STAG2: variants seen among roughly 807,000 people sequenced by gnomAD.
STAG2 encodes STAG2 cohesin complex component.
Under a neutral mutation model 108.1 loss-of-function variants are expected in STAG2, and 14 were observed. The observed-to-expected ratio is 0.13, with a 90% confidence interval of 0.09 to 0.20. STAG2 has a LOEUF of 0.20. STAG2 is among the 10% of genes least tolerant of loss of function. The pLI is 1.00. For synonymous variants in STAG2, 307 were observed against 302.7 expected (o/e 1.01, Z -0.15); for missense variants, 440 against 940.9 (o/e 0.47, Z 6.96).
chrX:124,093,856 T>G, intron 32 of STAG2, 162 bp from the exon 33 acceptor site: 1 of 509,054 alleles, frequency 2.0e-6, no homozygotes, highest in Non-Finnish European at 3.1e-6. Flanking sequence ...AAACATTGGG[T>G]TTTGATATCA....
At chrX:124,088,238 CTCTT>C (rs1312389376) in intron 30 of STAG2, among the ~76,000 whole-genome samples, 1 of 109,875 alleles carries the variant, frequency 9.1e-6, no homozygotes, top group African/African-American at 3.3e-5. Flanking sequence ...ACAGAAATCT[CTCTT>C]TTTTTTTTAG....
chrX:123,971,348 G>A (rs2147535407), intron 1 of STAG2, among the ~76,000 whole-genome samples: 1 of 112,115 alleles, frequency 8.9e-6, no homozygotes, highest in African/African-American at 3.2e-5. Flanking sequence ...AGAATTGCCT[G>A]AAGCTGGGGG....
intron 1 of STAG2, among the ~76,000 whole-genome samples, chrX:123,999,930 T>A (rs942214371): frequency 2.7e-5 from 3 of 109,111 alleles, no homozygotes; most frequent in Non-Finnish European, 5.7e-5. Flanking sequence ...TTTTTTTTTT[T>A]TTATTTTTTG....
At position 124,057,949 on chromosome X, in the gene STAG2, C is replaced by A; in HGVS notation, c.1388C>A (p.Thr463Lys). Residue 463 changes from threonine (T) to lysine (K), a missense_variant, in exon 15 of 35, where the codon ACA (threonine) becomes AAA (lysine). Thr to Lys is a moderately conservative substitution (Grantham distance 78). Coordinates refer to ENST00000371145, the MANE Select transcript of STAG2 (RefSeq NM_001042750.2). Reference protein sequence around the residue: ...RQGPNANLVKTLVFFFLESEL... With the variant: ...RQGPNANLVKKLVFFFLESEL... ...GGTCCAAATGCCAACCTTGTTAAGACATTGGTTTTTTTCTTTCTAGAAAGT... is the reference window on the plus strand; with the variant it reads ...GGTCCAAATGCCAACCTTGTTAAGAAATTGGTTTTTTTCTTTCTAGAAAGT... The A allele has an allele frequency of 8.4e-7, 1 of 1,188,554 alleles. No individual in the cohort carries two copies. Among genetic ancestry groups the A allele is most frequent in the Non-Finnish European group, 1.1e-6 (1 of 884,071 alleles).
chrX:124,066,144 T>A (rs1293762737), intron 21 of STAG2, 31 bp from the exon 22 acceptor site: 1 of 63,347 alleles, frequency 1.6e-5, no homozygotes, highest in Non-Finnish European at 1.9e-5. Flanking sequence ...TAAAACTTAA[T>A]TTTTTTTTTT....
chrX:124,006,645 T>TAG (rs2056307585), intron 1 of STAG2, among the ~76,000 whole-genome samples: 4 of 110,431 alleles, frequency 3.6e-5, no homozygotes, highest in East Asian at 2.8e-4. Flanking sequence ...TTCACTGTGT[T>TAG]CATCAGGATG....
rs1278693983 is a variant in STAG2, at chrX:124,102,637, CAT to C, written c.*2043_*2044del. 7.3e-6 allele frequency: 1 copy of C among 136,976 alleles called. No individual in the cohort carries two copies. The highest frequency in any genetic ancestry group is 3.1e-5 in the African/African-American group (1 of 31,756). The allele number at this position is 136,976 out of a possible 1,213,427, so 11.3% of individuals were successfully genotyped here. On this transcript the variant is annotated 3_prime_UTR_variant, in exon 35 of 35. Coordinates refer to ENST00000371145, the MANE Select transcript of STAG2 (RefSeq NM_001042750.2). ...CCATCAGTTTATATTTTTAATAAAT[CAT>C]ATGTATTTACAATGAAACCAAATCC...
chrX:124,049,770 A>G (rs914686857), intron 10 of STAG2, among the ~76,000 whole-genome samples: 10 of 111,968 alleles, frequency 8.9e-5, no homozygotes, highest in Admixed American at 1.9e-4. Flanking sequence ...TACAAGATGA[A>G]TTTAAAATCA....
chrX:124,048,612 T>C (rs893082963), intron 9 of STAG2, among the ~76,000 whole-genome samples: 4 of 111,154 alleles, frequency 3.6e-5, no homozygotes, highest in African/African-American at 1.3e-4. Context: ...GTATTTTTAG[T>C]AGAGTCGGGG....
At chrX:123,985,670 C>CAGT (rs1271185729) in intron 1 of STAG2, among the ~76,000 whole-genome samples, 2 of 109,252 alleles carry the variant, frequency 1.8e-5, no homozygotes, top group Admixed American at 2.0e-4. Flanking sequence ...TCCTGGGCTC[C>CAGT]AGTAATCCAC....
rs1342136120 is a variant in STAG2, at chrX:124,034,389, C to T, written c.289-3138C>T. ...AAGAGAGAATGTCTGCACTGTCTTT[C>T]CATTGATTTCCTGGAATCTTTTCAA... On this transcript the variant is annotated intron_variant, in intron 5 of 34. Transcript: ENST00000371145. Among the ~76,000 whole-genome samples, 6 of 111,475 alleles carry T rather than the reference C, an allele frequency of 5.4e-5. No homozygotes were observed. In the South Asian group the frequency reaches 2.3e-3, roughly 43 times the overall value.
At chrX:124,078,681 A>G (rs769064039) in intron 27 of STAG2, among the ~76,000 whole-genome samples, 1 of 111,372 alleles carries the variant, frequency 9.0e-6, no homozygotes, top group South Asian at 3.8e-4. Context: ...AAAACACAAT[A>G]GTTTTGGCCA....
In STAG2 at chrX:124,064,031, C is replaced by A. The variant is rs140406522; in HGVS notation, c.2005C>A (p.Leu669Ile). 9 of 1,207,642 alleles carry A rather than the reference C, an allele frequency of 7.5e-6. No homozygotes were observed. The highest frequency in any genetic ancestry group is 9.0e-6 in the Non-Finnish European group (8 of 892,461). Residue 669 changes from leucine (L) to isoleucine (I), a missense_variant, in exon 20 of 35, where the codon CTT becomes ATT. By Grantham distance (5) the Leu-to-Ile change is conservative (BLOSUM62 2). This residue lies in a region of STAG2 where 337 missense variants were observed against 649.3 expected (regional missense o/e 0.52). Transcript: ENST00000371145. ...ATTGGCAGATAAATTTAACCGGCTT[C>A]TTGAAGATTTTCTGCAAGAGGTATA... Reference protein sequence around the residue: ...DELADKFNRLLEDFLQEGEEP... With the variant: ...DELADKFNRLIEDFLQEGEEP...
chrX:124,011,332 C>CTTCT (rs964051967), intron 1 of STAG2, among the ~76,000 whole-genome samples: 2 of 111,331 alleles, frequency 1.8e-5, no homozygotes, highest in Non-Finnish European at 3.8e-5. Flanking sequence ...GATAATTTTA[C>CTTCT]TTCTTTCTTT....
At position 124,065,893 on chromosome X, in the gene STAG2, A is replaced by G. The variant is rs371293594; in HGVS notation, c.2043A>G (p.Glu681=). 8.5e-7 allele frequency: 1 copy of G among 1,169,699 alleles called. No homozygotes were observed. The highest frequency in any genetic ancestry group is 1.8e-5 in the African/African-American group (1 of 55,951). Residue 681 remains glutamate, a synonymous_variant, in exon 21 of 35, where the codon GAA becomes GAG. Transcript: ENST00000371145. ...ATTTATAGGGTGAAGAACCTGATGA[A>G]GATGATGCATATCAGGTATTGTCAA... ...DFLQEGEEPD[E]DDAYQVLSTL...
intron 13 of STAG2, among the ~76,000 whole-genome samples, chrX:124,052,385 A>C (rs1033459330): frequency 3.6e-5 from 4 of 111,723 alleles, no homozygotes; most frequent in Non-Finnish European, 7.5e-5. Context: ...TTCTATCTCT[A>C]TGAACTTGCC....
At chrX:123,975,403 T>C (rs1381524194) in intron 1 of STAG2, among the ~76,000 whole-genome samples, 1 of 112,033 alleles carries the variant, frequency 8.9e-6, no homozygotes, top group Non-Finnish European at 1.9e-5. Context: ...AGCAGAAGCA[T>C]GAAGGTATGT....
At chrX:124,044,724 T>C (rs188321652) in intron 7 of STAG2, among the ~76,000 whole-genome samples, 20 of 112,324 alleles carry the variant, frequency 1.8e-4, no homozygotes, top group African/African-American at 6.1e-4. Context: ...TATTTGAAGC[T>C]AATAACATAT....
At chrX:124,028,816 AT>A (rs1295665347) in intron 4 of STAG2, among the ~76,000 whole-genome samples, 1 of 81,765 alleles carries the variant, frequency 1.2e-5, no homozygotes, top group Non-Finnish European at 2.2e-5. Flanking sequence ...ATATATATAT[AT>A]ATATATTTTT....
Sources: gnomAD v4.1 joint callset for allele counts (sites outside exome capture counted in the v4.1 genomes callset) on GRCh38, gnomAD v4.1.1 for gene constraint, gnomAD v4.1.1 regional missense constraint, MANE v1.5 for transcripts, NCBI Gene and HGNC (gene_info 2026-07-23, HGNC 2026-07-21) for gene names.